The following ZFHX3 variants were observed in gnomAD, a reference collection of about 807,000 sequenced individuals.
ZFHX3 encodes the protein zinc finger homeobox 3.
ZFHX3 carries 42 observed loss-of-function variants against 279.1 expected under a neutral mutation model. The observed-to-expected ratio is 0.15, with a 90% CI of 0.12 to 0.19. The LOEUF is 0.19. Ranked by LOEUF, ZFHX3 falls within the 10% of genes least tolerant of loss-of-function variation. The pLI, the probability that ZFHX3 is intolerant of heterozygous loss-of-function variation, is 1.00. For missense variants in ZFHX3, 4,981 were observed against 4,754.0 expected (o/e 1.05, Z -1.40); for synonymous variants, 2,293 against 1,957.8 (o/e 1.17, Z -4.52).
chr16:73,278,275 A>G (rs1345750115), intron 4 of ZFHX3, among the ~76,000 whole-genome samples: 1 of 152,224 alleles, frequency 6.6e-6, no homozygotes, highest in East Asian at 1.9e-4. Context: ...TCTCTTGTTA[A>G]TCAATTTTAT....
chr16:72,854,347 G>A (rs9932992), intron 4 of ZFHX3, among the ~76,000 whole-genome samples: 4,575 of 152,280 alleles, frequency 0.03, 248 homozygotes, highest in African/African-American at 0.1. Flanking sequence ...GAAAGAAATG[G>A]CGGTTGTGTG....
chr16:73,521,985 CA>C (rs938405530), intron 2 of ZFHX3, among the ~76,000 whole-genome samples: 1 of 151,896 alleles, frequency 6.6e-6, no homozygotes, highest in Non-Finnish European at 1.5e-5. Flanking sequence ...TCCCTTTTGC[CA>C]AAAAAATAGC....
intron 2 of ZFHX3, among the ~76,000 whole-genome samples, chr16:73,615,740 G>C (rs1160244014): frequency 6.6e-6 from 1 of 152,146 alleles, no homozygotes; most frequent in Non-Finnish European, 1.5e-5. Flanking sequence ...CTGGGGCTGA[G>C]CACACGAAGT....
rs117530727 is a variant in ZFHX3, at chr16:73,392,107, C to T, written c.-1291+63896G>A. 9.2e-5 allele frequency among the ~76,000 whole-genome samples: 14 copies of T among 152,036 alleles called. No individual in the cohort carries two copies. The East Asian group carries it at 2.7e-3, about 29-fold the overall frequency. On this transcript the variant is annotated intron_variant, in intron 3 of 17. Transcript: ENST00000641206. ...CACAGTGGGAAGTCAGTAGATAATG[C>T]CTAGAAATAAAAATCAAGAAACAGC... is the stretch of plus-strand genomic sequence containing the variant.
At chr16:73,816,055 T>C (rs894162719) in intron 1 of ZFHX3, 4 of 152,286 alleles carry the variant, frequency 2.6e-5, no homozygotes, top group Non-Finnish European at 4.4e-5. Flanking sequence ...AGAGACTGTA[T>C]TGGACAGGAG....
At chr16:73,394,618 T>C (rs16971912) in intron 3 of ZFHX3, among the ~76,000 whole-genome samples, 15,353 of 152,100 alleles carry the variant, frequency 0.1, 1,615 homozygotes, top group African/African-American at 0.26. Context: ...TTTGAAATAA[T>C]ACTTTACATG....
At chr16:72,992,523 T>C (rs1222628171) in intron 1 of ZFHX3, among the ~76,000 whole-genome samples, 2 of 152,062 alleles carry the variant, frequency 1.3e-5, no homozygotes, top group African/African-American at 2.4e-5. Flanking sequence ...CGGCCAAGAT[T>C]GCAAAAATTC....
chr16:72,835,345 C>G (rs2037163824), intron 4 of ZFHX3, among the ~76,000 whole-genome samples: 1 of 152,054 alleles, frequency 6.6e-6, no homozygotes, highest in South Asian at 2.1e-4. Context: ...ATGGAAATAT[C>G]AGGCCTGTTC....
chr16:73,204,872 C>A (rs867287013), intron 5 of ZFHX3, among the ~76,000 whole-genome samples: 10 of 152,314 alleles, frequency 6.6e-5, no homozygotes, highest in Middle Eastern at 6.8e-3. Flanking sequence ...AGGAGTTAGG[C>A]AACTTGCCCA....
chr16:73,256,975 C>CTTCAGTGTTGCCA (rs2013677743), intron 5 of ZFHX3: 2 of 151,912 alleles, frequency 1.3e-5, no homozygotes, highest in Admixed American at 6.6e-5. Flanking sequence ...ATCATTGAAA[C>CTTCAGTGTTGCCA]AACTGGTGAG....
chr16:72,991,162 G>C (rs1341235859), intron 1 of ZFHX3, among the ~76,000 whole-genome samples: 3 of 152,100 alleles, frequency 2.0e-5, no homozygotes, highest in African/African-American at 7.2e-5. Flanking sequence ...TTCTGAGAGA[G>C]AGGAGAGACC....
chr16:72,981,776 G>A (rs1184636412), intron 1 of ZFHX3, among the ~76,000 whole-genome samples: 1 of 151,964 alleles, frequency 6.6e-6, no homozygotes, highest in Non-Finnish European at 1.5e-5. Context: ...TCTTCACGGG[G>A]ACCCCAATAT....
rs571789222 is a variant in ZFHX3 at position 73,200,359 on chromosome 16, G to GA, written c.-1103-56529dup. Among the ~76,000 whole-genome samples, 40 of 152,082 alleles carry GA rather than the reference G, an allele frequency of 2.6e-4. 1 individual carries two copies. The South Asian group carries it at 7.2e-3, about 28-fold the overall frequency. On this transcript the variant is annotated intron_variant, in intron 5 of 17. Transcript: ENST00000641206. ...TGTTTCAGCCATAAAACCCCTTCAT[G>GA]AATTTTTATTTTATATATTTAGAAT...
At chr16:73,682,124 G>T (rs1293631801) in intron 1 of ZFHX3, among the ~76,000 whole-genome samples, 2 of 152,176 alleles carry the variant, frequency 1.3e-5, no homozygotes, top group Non-Finnish European at 2.9e-5. Flanking sequence ...AGGCTCTGAA[G>T]TCAGGCAATC....
intron 1 of ZFHX3, among the ~76,000 whole-genome samples, chr16:73,847,623 T>C (rs1040750414): frequency 6.6e-6 from 1 of 152,182 alleles, no homozygotes; most frequent in Non-Finnish European, 1.5e-5. Context: ...AGTTTACTCA[T>C]CTGTCTTATG....
rs1347630809 is a variant in ZFHX3, at chr16:72,921,323, G to A, written c.3216+29146C>T. Among the ~76,000 whole-genome samples, 7 of 152,194 alleles carry A rather than the reference G, an allele frequency of 4.6e-5. No homozygotes were observed. In the South Asian group the frequency reaches 6.2e-4, roughly 13 times the overall value. On this transcript the variant is annotated intron_variant, in intron 3 of 9. Coordinates refer to ENST00000268489, the MANE Select transcript of ZFHX3 (RefSeq NM_006885.4). ...ACAAGTGCTTCACAGAAATGTGATC[G>A]TGGTTACTTCCTTCCTAGACCCCAT... is the stretch of plus-strand genomic sequence containing the variant.
Position 73,143,863 on chromosome 16 carries a change from T to C in ZFHX3, c.-1103-32A>G, listed in dbSNP as rs375220220. 2.4e-4 allele frequency: 272 copies of C among 1,119,602 alleles called. 1 individual carries two copies. The highest frequency in any genetic ancestry group is 2.3e-4 in the Middle Eastern group (1 of 4,352). The allele number at this position is 1,119,602 out of a possible 1,614,324, so 69.4% of individuals were successfully genotyped here. A position where few individuals can be genotyped will look rare whatever the true frequency, so the allele number is the denominator to read the frequency against. ...AAGAAAAGAAAGGACAAAAACACGG[T>C]TGGGGAGATGTTTGGCAAACCTTCG... On this transcript the variant is annotated intron_variant, in intron 5 of 17. Transcript: ENST00000641206.
At chr16:73,532,462 G>A (rs563649694) in intron 2 of ZFHX3, among the ~76,000 whole-genome samples, 3 of 152,240 alleles carry the variant, frequency 2.0e-5, no homozygotes, top group South Asian at 4.2e-4. Context: ...CCCAGCCTCA[G>A]GTATGTCTTT....
chr16:73,693,122 C>T (rs1401163193), intron 1 of ZFHX3, among the ~76,000 whole-genome samples: 2 of 152,150 alleles, frequency 1.3e-5, no homozygotes, highest in African/African-American at 4.8e-5. Context: ...TCAGGAAAAA[C>T]AAGAAGGACT....
Sources: allele counts gnomAD v4.1 joint callset (sites outside exome capture counted in the v4.1 genomes callset), GRCh38; gene constraint gnomAD v4.1.1; transcripts MANE v1.5; gene names NCBI Gene and HGNC (gene_info 2026-07-23, HGNC 2026-07-21).